Variants in PCDHGA11 observed in about 807,000 individuals in gnomAD.
The protein encoded by PCDHGA11 is protocadherin gamma-A11.
In PCDHGA11, 39 loss-of-function variants were observed where a neutral mutation model predicts 60.4. The ratio of observed to expected loss-of-function variants is 0.65; its 90% confidence interval spans 0.50 to 0.84. The LOEUF (loss-of-function observed/expected upper bound fraction) is 0.84, where lower values mean the gene tolerates loss of function less well. Among genes scored for constraint, PCDHGA11 ranks in the 40% least tolerant of loss-of-function variants. PCDHGA11 has a pLI of 0.00. For synonymous variants in PCDHGA11, 533 were observed against 510.3 expected (o/e 1.04, Z -0.60); for missense variants, 1,165 against 1,197.7 (o/e 0.97, Z 0.40).
In PCDHGA11 at chr5:141,497,558, TA is replaced by T. The variant is rs543126612; in HGVS notation, c.2492+2694del. 6.7e-3 allele frequency among the ~76,000 whole-genome samples: 979 copies of T among 145,038 alleles called. 16 individuals carry two copies. Among genetic ancestry groups the T allele is most frequent in the African/African-American group, 0.024 (931 of 38,872 alleles). On this transcript the variant is annotated intron_variant, in intron 2 of 3. Coordinates refer to ENST00000398587, the MANE Select transcript of PCDHGA11 (RefSeq NM_018914.3). The stretch of plus-strand genomic sequence containing the variant: ...AACAAACCTTTTTTTTTTTTTTTTT[TA>T]GACAGAGTCTTGCTCTGTTGCCCAA...
chr5:141,476,977 C>T lies in PCDHGA11; in HGVS notation c.2434-17830C>T, dbSNP rs141692339. 3,083 of 1,614,232 alleles carry T rather than the reference C, an allele frequency of 1.9e-3. 52 individuals carry two copies. The African/African-American group carries it at 0.034, about 18-fold the overall frequency. Reference sequence around the variant, plus strand: ...TTATTTACTCCTTCGGCAGCCACAACCGCGCCGGCGTGCGGCAACTATTCG... The same window carrying T: ...TTATTTACTCCTTCGGCAGCCACAATCGCGCCGGCGTGCGGCAACTATTCG... On this transcript the variant is annotated intron_variant, in intron 1 of 3. Coordinates refer to ENST00000398587, the MANE Select transcript of PCDHGA11 (RefSeq NM_018914.3). This position sits in a 1 kb window ranked among gnomAD's most constrained non-coding sequence, Gnocchi z 7.6.
chr5:141,450,985 C>T (rs533993975), intron 1 of PCDHGA11, among the ~76,000 whole-genome samples: 22 of 151,876 alleles, frequency 1.4e-4, no homozygotes, highest in African/African-American at 3.9e-4. Flanking sequence ...CCACCACACC[C>T]GGCTAATTTT....
chr5:141,497,217 G>A (rs1046945884), intron 2 of PCDHGA11, among the ~76,000 whole-genome samples: 1 of 152,066 alleles, frequency 6.6e-6, no homozygotes, highest in African/African-American at 2.4e-5. Flanking sequence ...AATGGGGGGG[G>A]GAAGATCAGA....
intron 1 of PCDHGA11, among the ~76,000 whole-genome samples, chr5:141,474,588 A>G (rs2099351676): frequency 6.6e-6 from 1 of 152,258 alleles, no homozygotes; most frequent in Non-Finnish European, 1.5e-5. Context: ...TGTTAAAGAC[A>G]TGGAAATATA....
chr5:141,489,205 G>A lies in PCDHGA11; in HGVS notation c.2434-5602G>A. 2.1e-6 allele frequency: 3 copies of A among 1,438,682 alleles called. No homozygotes were observed. Among genetic ancestry groups the A allele is most frequent in the Non-Finnish European group, 1.9e-6 (2 of 1,060,944 alleles). 89.1% of individuals were successfully genotyped at this position (1,438,682 alleles called of 1,614,324 possible). On this transcript the variant is annotated intron_variant, in intron 1 of 3. Coordinates refer to ENST00000398587, the MANE Select transcript of PCDHGA11 (RefSeq NM_018914.3). The surrounding 1 kb of genome is among the most constrained non-coding windows in gnomAD (Gnocchi z 4.5). ...CTGGGTCTACCTTGGAGACAGGACA[G>A]CACAGACTTACTCTCCACAAAGGGA...
chr5:141,483,538 G>C (rs571240759), intron 1 of PCDHGA11, among the ~76,000 whole-genome samples: 1 of 152,230 alleles, frequency 6.6e-6, no homozygotes, highest in African/African-American at 2.4e-5. Flanking sequence ...AAGCTGGGTG[G>C]TTGACAGTGC....
chr5:141,501,701 G>A (rs747266621), intron 2 of PCDHGA11, among the ~76,000 whole-genome samples: 3 of 151,984 alleles, frequency 2.0e-5, no homozygotes, highest in East Asian at 1.9e-4. Flanking sequence ...GGGTGATTCC[G>A]AGGATAAAAA....
chr5:141,486,673 A>G lies in PCDHGA11; in HGVS notation c.2434-8134A>G. On this transcript the variant is annotated intron_variant, in intron 1 of 3. Transcript: ENST00000398587. The surrounding 1 kb of genome is among the most constrained non-coding windows in gnomAD (Gnocchi z 5.0). ...ACTCACTCCTGGAGCCCAGGAATCG[A>G]GATGTATCAGCTTCCTCTTTCATCT... The G allele has an allele frequency of 6.2e-7, 1 of 1,614,014 alleles. No homozygotes were observed. The highest frequency in any genetic ancestry group is 2.2e-5 in the East Asian group (1 of 44,866).
chr5:141,437,794 G>C (rs1162440523), intron 1 of PCDHGA11, among the ~76,000 whole-genome samples: 1 of 150,526 alleles, frequency 6.6e-6, no homozygotes, highest in Non-Finnish European at 1.5e-5. Context: ...CTGGAGTGCA[G>C]TGGCACTATC....
chr5:141,469,049 G>A (rs916327969), intron 1 of PCDHGA11, among the ~76,000 whole-genome samples: 3 of 152,054 alleles, frequency 2.0e-5, no homozygotes, highest in African/African-American at 2.4e-5. Context: ...GGCCAAGGTG[G>A]GAGGATTGCT....
At chr5:141,462,823 G>A (rs1420321501) in intron 1 of PCDHGA11, among the ~76,000 whole-genome samples, 1 of 152,170 alleles carries the variant, frequency 6.6e-6, no homozygotes, top group African/African-American at 2.4e-5. Flanking sequence ...TTGGACAGCA[G>A]ACATTGTAAA....
rs143779180 is a variant in PCDHGA11, at chr5:141,485,438, C to T, written c.2434-9369C>T. Reference sequence around the variant, plus strand: ...CAGCGGAGCCCTGCTCATCAAGAACCCAATCGACCGAGAGGCACTGTGTGG... The same window carrying T: ...CAGCGGAGCCCTGCTCATCAAGAACTCAATCGACCGAGAGGCACTGTGTGG... On this transcript the variant is annotated intron_variant, in intron 1 of 3. Transcript: ENST00000398587. This position sits in a 1 kb window ranked among gnomAD's most constrained non-coding sequence, Gnocchi z 5.7. 2.9e-5 allele frequency: 47 copies of T among 1,614,052 alleles called. No individual in the cohort carries two copies. The highest frequency in any genetic ancestry group is 4.0e-5 in the African/African-American group (3 of 74,924).
At chr5:141,445,732 A>G (rs2098475548) in intron 1 of PCDHGA11, among the ~76,000 whole-genome samples, 1 of 152,230 alleles carries the variant, frequency 6.6e-6, no homozygotes, top group African/African-American at 2.4e-5. Context: ...ATGTGTAAAG[A>G]TCTTTTTAAA....
chr5:141,435,558 T>C (rs1401876733), intron 1 of PCDHGA11, among the ~76,000 whole-genome samples: 1 of 152,136 alleles, frequency 6.6e-6, no homozygotes, highest in Non-Finnish European at 1.5e-5. Flanking sequence ...TTTTGAGTGC[T>C]TTTTTTAGTA....
At chr5:141,456,971 A>G (rs1031714073) in intron 1 of PCDHGA11, among the ~76,000 whole-genome samples, 1 of 147,384 alleles carries the variant, frequency 6.8e-6, no homozygotes, top group Non-Finnish European at 1.5e-5. Context: ...TCAAAACAAA[A>G]CAAACAAACA....
In PCDHGA11 at chr5:141,486,110, G is replaced by A. The variant is rs780031943; in HGVS notation, c.2434-8697G>A. 1.2e-6 allele frequency: 2 copies of A among 1,614,162 alleles called. No individual in the cohort carries two copies. Among genetic ancestry groups the A allele is most frequent in the South Asian group, 1.1e-5 (1 of 91,078 alleles). On this transcript the variant is annotated intron_variant, in intron 1 of 3. Transcript: ENST00000398587. This position sits in a 1 kb window ranked among gnomAD's most constrained non-coding sequence, Gnocchi z 5.0. ...TTTGGGGCCCCTAGACTTTGAGAGT[G>A]AGAATTACTATGAATTTGATGTGCG...
At chr5:141,504,511 CTCTGATAT>C (rs2099838890) in intron 2 of PCDHGA11, among the ~76,000 whole-genome samples, 1 of 151,902 alleles carries the variant, frequency 6.6e-6, no homozygotes, top group Non-Finnish European at 1.5e-5. Flanking sequence ...AGTGGATCTC[CTCTGATAT>C]ATTTTATTCG....
At chr5:141,462,203 G>T (rs544238255) in intron 1 of PCDHGA11, among the ~76,000 whole-genome samples, 2 of 152,036 alleles carry the variant, frequency 1.3e-5, no homozygotes, top group African/African-American at 4.8e-5. Flanking sequence ...CAGGTGATCC[G>T]CCTGCCTCGG....
intron 1 of PCDHGA11, among the ~76,000 whole-genome samples, chr5:141,447,975 A>G (rs1352829510): frequency 6.6e-6 from 1 of 151,928 alleles, no homozygotes; most frequent in Non-Finnish European, 1.5e-5. Flanking sequence ...AATCCCAGCT[A>G]CTCGGGAGGC....
Sources: gnomAD v4.1 joint callset for allele counts (sites outside exome capture counted in the v4.1 genomes callset) on GRCh38, gnomAD v4.1.1 for gene constraint, Gnocchi (gnomAD v3.1) non-coding constraint, MANE v1.5 for transcripts, NCBI Gene and HGNC (gene_info 2026-07-23, HGNC 2026-07-21) for gene names.